The following APBA2 variants were observed in gnomAD, a reference collection of about 807,000 sequenced individuals.
APBA2 encodes amyloid-beta A4 precursor protein-binding family A member 2.
In APBA2, 30 loss-of-function variants were observed where a neutral mutation model predicts 75.0. The observed-to-expected ratio is 0.40, with a 90% confidence interval of 0.30 to 0.54. The LOEUF is 0.54. Ranked by LOEUF, APBA2 falls within the 20% of genes least tolerant of loss-of-function variation. APBA2 has a pLI of 0.49. For missense variants in APBA2, 801 were observed against 1,016.1 expected, an observed-to-expected ratio of 0.79 and a Z score of 2.88; for synonymous variants, 444 against 409.6, an observed-to-expected ratio of 1.08 and a Z score of -1.01.
chr15:28,955,963 GCA>G (rs1488279136), intron 2 of APBA2, among the ~76,000 whole-genome samples: 4 of 152,216 alleles, frequency 2.6e-5, no homozygotes, highest in African/African-American at 9.6e-5. Context: ...TGTGAGAAAT[GCA>G]CAGTCTCAGG....
intron 6 of APBA2, among the ~76,000 whole-genome samples, 193 bp from the exon 7 acceptor site, chr15:29,092,882 A>T (rs1318061193): frequency 6.6e-6 from 1 of 152,164 alleles, no homozygotes; most frequent in Non-Finnish European, 1.5e-5. Flanking sequence ...GATTTCGCGC[A>T]GTTACTTGCA....
At chr15:29,087,962 T>TGCATCTATCCACACCACCCC (rs2043367355) in intron 6 of APBA2, among the ~76,000 whole-genome samples, 1 of 152,152 alleles carries the variant, frequency 6.6e-6, no homozygotes, top group Non-Finnish European at 1.5e-5. Flanking sequence ...TGTCCCACCC[T>TGCATCTATCCACACCACCCC]GCATCTATCC....
intron 2 of APBA2, among the ~76,000 whole-genome samples, chr15:28,925,181 A>G (rs1172877585): frequency 6.6e-6 from 1 of 152,168 alleles, no homozygotes; most frequent in Non-Finnish European, 1.5e-5. Flanking sequence ...GATTATATCC[A>G]TTGATTTTTC....
rs1319922985 is a variant in APBA2 at position 29,108,407 on chromosome 15, C to T, written c.2037+18C>T. On this transcript the variant is annotated intron_variant, in intron 13 of 14. Transcript: ENST00000683413. Reference sequence around the variant, plus strand: ...ATGGAATTGTGAGTTCCCCCTCCTGCTCTGGGCCACCACCACCACTGCAGG... The same window carrying T: ...ATGGAATTGTGAGTTCCCCCTCCTGTTCTGGGCCACCACCACCACTGCAGG... 6 of 1,613,770 alleles carry T rather than the reference C, an allele frequency of 3.7e-6. No homozygotes were observed. Among genetic ancestry groups the T allele is most frequent in the East Asian group, 2.2e-5 (1 of 44,900 alleles).
chr15:28,929,461 C>G (rs897877589), intron 2 of APBA2, among the ~76,000 whole-genome samples: 14 of 152,182 alleles, frequency 9.2e-5, no homozygotes, highest in Non-Finnish European at 1.8e-4. Flanking sequence ...GGAGTGACCA[C>G]TCAGATCCAA....
chr15:29,044,823 T>C (rs1379248177), intron 3 of APBA2, among the ~76,000 whole-genome samples: 3 of 152,202 alleles, frequency 2.0e-5, no homozygotes, highest in Admixed American at 2.0e-4. Flanking sequence ...GGCTGCTATA[T>C]CAAAAAACAC....
intron 3 of APBA2, among the ~76,000 whole-genome samples, chr15:29,033,415 CAACTCTCCA>C (rs1404231409): frequency 2.0e-5 from 3 of 152,154 alleles, no homozygotes; most frequent in African/African-American, 7.2e-5. Flanking sequence ...CCTGCTTCCT[CAACTCTCCA>C]AAGTCAGCCA....
intron 4 of APBA2, chr15:29,070,857 T>A (rs994597469): frequency 3.1e-5 from 10 of 326,320 alleles, no homozygotes; most frequent in African/African-American, 2.0e-4. Flanking sequence ...TCGCCTCTTT[T>A]GAAAACAGGA....
At chr15:28,956,684 C>G (rs535933362) in intron 2 of APBA2, among the ~76,000 whole-genome samples, 1 of 152,258 alleles carries the variant, frequency 6.6e-6, no homozygotes, top group South Asian at 2.1e-4. Context: ...GCTCTCCTCA[C>G]CCTGCAAAAC....
intron 2 of APBA2, among the ~76,000 whole-genome samples, chr15:28,962,311 C>A (rs1412922731): frequency 1.3e-5 from 2 of 151,840 alleles, no homozygotes; most frequent in South Asian, 4.2e-4. Flanking sequence ...GTGGCTCACG[C>A]CTGTAATCCC....
chr15:29,107,814 C>T (rs2044508278), intron 12 of APBA2, among the ~76,000 whole-genome samples: 3 of 152,210 alleles, frequency 2.0e-5, no homozygotes, highest in Admixed American at 6.5e-5. Context: ...TGTGGTCACT[C>T]CCTGCCCTGC....
At position 28,976,320 on chromosome 15, in the gene APBA2, T is replaced by C. The variant is rs1345733415; in HGVS notation, c.-94-19433T>C. On this transcript the variant is annotated intron_variant, in intron 2 of 14. Coordinates refer to ENST00000683413, the MANE Select transcript of APBA2 (RefSeq NM_001353788.2). ...TTCATCCATTGCAATCTTCATCCTTTAATTTCTTTTTGTTTTCTTACTTCT... is the reference window on the plus strand; with the variant it reads ...TTCATCCATTGCAATCTTCATCCTTCAATTTCTTTTTGTTTTCTTACTTCT... Among the ~76,000 whole-genome samples, 4 of 152,258 alleles carry C rather than the reference T, an allele frequency of 2.6e-5. No homozygotes were observed. In the East Asian group the frequency reaches 5.8e-4, roughly 22 times the overall value.
intron 3 of APBA2, among the ~76,000 whole-genome samples, chr15:29,021,784 G>A (rs951089753): frequency 2.0e-5 from 3 of 151,954 alleles, no homozygotes; most frequent in African/African-American, 7.2e-5. Context: ...GTGTACCCTC[G>A]GCCCAGCATC....
rs150256612 is a variant in APBA2 at position 29,068,197 on chromosome 15, C to T, written c.952-6724C>T. On this transcript the variant is annotated intron_variant, in intron 4 of 14. Coordinates refer to ENST00000683413, the MANE Select transcript of APBA2 (RefSeq NM_001353788.2). ...AGCTTGAGCCTCTGATAAAGTCACG[C>T]GATTGAATTTTAGCCCCAGTAGGTT... Among the ~76,000 whole-genome samples the T allele has an allele frequency of 1.8e-3, 280 of 152,280 alleles. 1 individual carries two copies. Among genetic ancestry groups the T allele is most frequent in the Non-Finnish European group, 3.0e-3 (207 of 68,026 alleles).
intron 1 of APBA2, among the ~76,000 whole-genome samples, chr15:28,897,617 CAAA>C (rs370287342): frequency 2.2e-4 from 17 of 78,742 alleles, no homozygotes; most frequent in African/African-American, 7.9e-4. Context: ...GATTCCGTCT[CAAA>C]AAAAAAAAAA....
At chr15:29,093,641 T>C (rs2043695179) in intron 7 of APBA2, among the ~76,000 whole-genome samples, 1 of 152,190 alleles carries the variant, frequency 6.6e-6, no homozygotes, top group African/African-American at 2.4e-5. Flanking sequence ...CTCTAAGTGC[T>C]CATTGGATTG....
chr15:28,904,422 A>C lies in APBA2; in HGVS notation c.-204-17218A>C, dbSNP rs535459322. On this transcript the variant is annotated intron_variant, in intron 1 of 14. Coordinates refer to ENST00000683413, the MANE Select transcript of APBA2 (RefSeq NM_001353788.2). ...TCTGCTATGAATGAATGCTGTAATA[A>C]ATATCCTTGTAGTTGTGTTTTTTGT... Among the ~76,000 whole-genome samples, 3 of 152,328 alleles carry C rather than the reference A, an allele frequency of 2.0e-5. No homozygotes were observed. The South Asian group carries it at 6.2e-4, about 32-fold the overall frequency.
intron 4 of APBA2, among the ~76,000 whole-genome samples, chr15:29,063,831 C>T (rs2042258370): frequency 6.6e-6 from 1 of 151,992 alleles, no homozygotes; most frequent in Non-Finnish European, 1.5e-5. Context: ...GGTGAGGACA[C>T]TAGTGGACCT....
chr15:28,887,501 G>T (rs1300508675), intron 1 of APBA2, among the ~76,000 whole-genome samples: 2 of 152,148 alleles, frequency 1.3e-5, no homozygotes, highest in African/African-American at 4.8e-5. Context: ...ATGAGGTGAG[G>T]CAGGGGTTTC....
Sources: allele counts gnomAD v4.1 joint callset (sites outside exome capture counted in the v4.1 genomes callset), GRCh38; gene constraint gnomAD v4.1.1; transcripts MANE v1.5; gene names NCBI Gene and HGNC (gene_info 2026-07-23, HGNC 2026-07-21).